Variants in GNAS observed in about 807,000 individuals in gnomAD.
The protein encoded by GNAS is GNAS complex locus.
GNAS carries 8 observed loss-of-function variants against 54.5 expected under a neutral mutation model. The observed-to-expected ratio is 0.15, with a 90% CI of 0.09 to 0.26. The LOEUF (loss-of-function observed/expected upper bound fraction) is 0.26, where lower values mean the gene tolerates loss of function less well. Among genes scored for constraint, GNAS ranks in the 10% least tolerant of loss-of-function variants. The pLI, the probability that GNAS is intolerant of heterozygous loss-of-function variation, is 1.00. For missense variants in GNAS, 170 were observed against 529.8 expected, an observed-to-expected ratio of 0.32 and a Z score of 6.67; for synonymous variants, 204 against 191.4, an observed-to-expected ratio of 1.07 and a Z score of -0.54.
chr20:58,860,238 T>G (rs747631132), intron 1 of GNAS, among the ~76,000 whole-genome samples: 9 of 152,022 alleles, frequency 5.9e-5, no homozygotes, highest in Non-Finnish European at 5.9e-5. Context: ...ACACATTTGC[T>G]TTAACTCATC....
At chr20:58,869,292 A>G (rs946571932) in intron 1 of GNAS, among the ~76,000 whole-genome samples, 1 of 152,238 alleles carries the variant, frequency 6.6e-6, no homozygotes, top group East Asian at 1.9e-4. Flanking sequence ...TAAAGTTTCA[A>G]TAGATGAGGT....
intron 2 of GNAS, among the ~76,000 whole-genome samples, chr20:58,896,918 T>C (rs544585697): frequency 3.9e-5 from 6 of 152,318 alleles, no homozygotes; most frequent in Admixed American, 3.9e-4. Flanking sequence ...AAACCTTTAC[T>C]AGTCACTAAG....
At position 58,854,670 on chromosome 20, in the gene GNAS, G is replaced by A. The variant is rs1004356346; in HGVS notation, c.43+13784G>A. On this transcript the variant is annotated intron_variant, in intron 1 of 12. Coordinates refer to the GNAS transcript ENST00000306090. ...CGCCCCAGCCGATCCAGATGCCGGG[G>A]CGGCCCCTGAGGCTCCCGCCGCCCC... 1.8e-5 allele frequency: 27 copies of A among 1,528,482 alleles called. No individual in the cohort carries two copies. Among genetic ancestry groups the A allele is most frequent in the Non-Finnish European group, 2.3e-5 (26 of 1,143,972 alleles). The allele number at this position is 1,528,482 out of a possible 1,614,324, so 94.7% of individuals were successfully genotyped here.
At chr20:58,892,240 A>G in intron 1 of GNAS, 1 of 929,968 alleles carries the variant, frequency 1.1e-6, no homozygotes, top group Non-Finnish European at 1.3e-6. Flanking sequence ...GGGGGAGCCC[A>G]TGGGGCTCCG....
chr20:58,850,961 C>T, intron 1 of GNAS: 2 of 398,682 alleles, frequency 5.0e-6, no homozygotes, highest in Non-Finnish European at 4.4e-6. Flanking sequence ...ATTCGCCAGG[C>T]AGCCTTGATT....
chr20:58,855,846 C>A (rs2086472117), intron 1 of GNAS: 2 of 573,026 alleles, frequency 3.5e-6, no homozygotes, highest in South Asian at 4.5e-5. Flanking sequence ...GCTGAAGTGT[C>A]CCCTGTTCCT....
upstream of GNAS, among the ~76,000 whole-genome samples, chr20:58,891,150 G>T (rs1458831191): frequency 6.8e-6 from 1 of 148,004 alleles, no homozygotes; most frequent in Admixed American, 6.7e-5. Context: ...CGTCTCCCCG[G>T]CCCGTCCCGT....
upstream of GNAS, chr20:58,888,942 G>T: frequency 3.2e-6 from 1 of 314,628 alleles, no homozygotes; most frequent in Non-Finnish European, 4.6e-6. Context: ...CCACCGCCTT[G>T]GGCGCGCCCG....
chr20:58,893,615 T>G (rs1463732780), intron 1 of GNAS, among the ~76,000 whole-genome samples: 1 of 152,238 alleles, frequency 6.6e-6, no homozygotes, highest in African/African-American at 2.4e-5. Context: ...ACTAATTAAG[T>G]CAAAATAAGT....
upstream of GNAS, chr20:58,840,453 A>G: frequency 6.2e-7 from 1 of 1,613,450 alleles, no homozygotes; most frequent in African/African-American, 1.3e-5. This position sits in a 1 kb window ranked among gnomAD's most constrained non-coding sequence, Gnocchi z 6.0. Context: ...AGCGAGACCG[A>G]GTCCGAAATC....
intron 2 of GNAS, 154 bp from the exon 3 acceptor site, chr20:58,898,787 C>T (rs1301504155): frequency 1.3e-5 from 10 of 765,332 alleles, no homozygotes; most frequent in East Asian, 4.9e-5. Flanking sequence ...GCCAGAAAGG[C>T]GACCTAAGAA....
At chr20:58,893,966 A>G (rs1247735852) in intron 1 of GNAS, among the ~76,000 whole-genome samples, 1 of 152,234 alleles carries the variant, frequency 6.6e-6, no homozygotes, top group Non-Finnish European at 1.5e-5. Context: ...TTACATCATG[A>G]TGTATTGATT....
chr20:58,907,167 CTCTGTTAGGG>C (rs1227363769), intron 6 of GNAS, among the ~76,000 whole-genome samples: 1 of 152,154 alleles, frequency 6.6e-6, no homozygotes, highest in African/African-American at 2.4e-5. Context: ...TCATATAAGC[CTCTGTTAGGG>C]TCTGCGCAAT....
At chr20:58,877,608 A>C (rs1370204464) in intron 1 of GNAS, among the ~76,000 whole-genome samples, 1 of 152,256 alleles carries the variant, frequency 6.6e-6, no homozygotes, top group Non-Finnish European at 1.5e-5. Flanking sequence ...ATAAAGGGAC[A>C]GAGCCCAGGA....
At chr20:58,846,234 GGAATAA>G (rs2085935726) in intron 1 of GNAS, among the ~76,000 whole-genome samples, 1 of 152,172 alleles carries the variant, frequency 6.6e-6, no homozygotes, top group Non-Finnish European at 1.5e-5. Flanking sequence ...GTCGTTTGAA[GGAATAA>G]AGAGAGTCTT....
intron 1 of GNAS, among the ~76,000 whole-genome samples, chr20:58,870,395 AGAG>A (rs1161575789): frequency 6.6e-6 from 1 of 152,246 alleles, no homozygotes; most frequent in Non-Finnish European, 1.5e-5. Flanking sequence ...CGTGGGGAAC[AGAG>A]GAGGCCAGGG....
intron 1 of GNAS, among the ~76,000 whole-genome samples, chr20:58,880,503 C>T (rs2088156247): frequency 6.6e-6 from 1 of 152,110 alleles, no homozygotes; most frequent in Non-Finnish European, 1.5e-5. Flanking sequence ...AAGCAGACCT[C>T]AGAATTCTAA....
At chr20:58,902,593 C>T (rs943371286) in intron 3 of GNAS, among the ~76,000 whole-genome samples, 4 of 152,030 alleles carry the variant, frequency 2.6e-5, no homozygotes, top group African/African-American at 9.7e-5. Context: ...TCCCCTCCCC[C>T]TTAGATTATA....
chr20:58,861,530 C>G (rs979423543), intron 1 of GNAS, among the ~76,000 whole-genome samples: 2 of 152,134 alleles, frequency 1.3e-5, no homozygotes, highest in African/African-American at 4.8e-5. Context: ...AGATCATGTT[C>G]TCTTTAGGAA....
Sources: allele counts gnomAD v4.1 joint callset (sites outside exome capture counted in the v4.1 genomes callset), GRCh38; gene constraint gnomAD v4.1.1; non-coding constraint Gnocchi (gnomAD v3.1); transcripts MANE v1.5; gene names NCBI Gene and HGNC (gene_info 2026-07-23, HGNC 2026-07-21).